The following NLGN4X variants were observed in gnomAD, a reference collection of about 807,000 sequenced individuals.
The protein encoded by NLGN4X is neuroligin 4 X-linked, also known as neuroligin-4, X-linked.
A neutral mutation model predicts 40.3 loss-of-function variants in NLGN4X; 3 were observed. The observed-to-expected ratio is 0.07, with a 90% confidence interval of 0.03 to 0.19. The LOEUF is 0.19. NLGN4X is among the 10% of genes least tolerant of loss of function. The pLI, the probability that NLGN4X is intolerant of heterozygous loss-of-function variation, is 1.00. For synonymous variants in NLGN4X, 270 were observed against 306.8 expected (o/e 0.88, Z 1.25); for missense variants, 382 against 708.3 (o/e 0.54, Z 5.23).
At chrX:5,986,463 T>C (rs2035532340) in intron 3 of NLGN4X, among the ~76,000 whole-genome samples, 1 of 111,894 alleles carries the variant, frequency 8.9e-6, no homozygotes, top group African/African-American at 3.3e-5. Flanking sequence ...TTAAGCTTTT[T>C]TCAGATAAAA....
At chrX:6,067,915 A>T (rs2037963660) in intron 2 of NLGN4X, among the ~76,000 whole-genome samples, 1 of 111,339 alleles carries the variant, frequency 9.0e-6, no homozygotes, top group Non-Finnish European at 1.9e-5. Flanking sequence ...GAAACATAAA[A>T]CAGAAATTGT....
chrX:6,121,859 G>A (rs962816252), intron 2 of NLGN4X, among the ~76,000 whole-genome samples: 3 of 112,641 alleles, frequency 2.7e-5, no homozygotes, highest in African/African-American at 9.7e-5. Flanking sequence ...ATTGCTCTTC[G>A]CTCCTCACTG....
chrX:5,936,469 T>C (rs1190121341), intron 3 of NLGN4X, among the ~76,000 whole-genome samples: 1 of 112,376 alleles, frequency 8.9e-6, no homozygotes, highest in African/African-American at 3.2e-5. Flanking sequence ...TTTATTAAAA[T>C]GGTTTTTAAA....
At chrX:6,082,945 TGC>T (rs72248481) in intron 2 of NLGN4X, among the ~76,000 whole-genome samples, 14,216 of 93,363 alleles carry the variant, frequency 0.15, 1,441 homozygotes, top group Non-Finnish European at 0.21. Flanking sequence ...TTTGCCATGA[TGC>T]GTTTTTTTCT....
chrX:6,046,936 C>A (rs1327449561), intron 2 of NLGN4X, among the ~76,000 whole-genome samples: 1 of 106,429 alleles, frequency 9.4e-6, no homozygotes, highest in African/African-American at 3.4e-5. Context: ...ATAATGTATC[C>A]ATAATATACA....
intron 1 of NLGN4X, among the ~76,000 whole-genome samples, chrX:6,160,407 T>C (rs1205952193): frequency 1.8e-5 from 2 of 112,033 alleles, no homozygotes; most frequent in East Asian, 2.8e-4. Flanking sequence ...TTACTGACTT[T>C]TTCCCAGAAT....
intron 3 of NLGN4X, among the ~76,000 whole-genome samples, chrX:5,997,625 TATATATAC>T (rs2035864835): frequency 8.5e-5 from 3 of 35,224 alleles, no homozygotes; most frequent in Non-Finnish European, 1.4e-4. Flanking sequence ...CATATATATA[TATATATAC>T]ACACGTATAT....
chrX:5,921,888 C>G, intron 3 of NLGN4X, among the ~76,000 whole-genome samples: 1 of 111,217 alleles, frequency 9.0e-6, no homozygotes, highest in East Asian at 2.8e-4. Flanking sequence ...GCTGCCGTGA[C>G]ACATAATGGG....
At chrX:5,924,664 C>T (rs1038577087) in intron 3 of NLGN4X, among the ~76,000 whole-genome samples, 6 of 112,082 alleles carry the variant, frequency 5.4e-5, no homozygotes, top group Non-Finnish European at 1.1e-4. Context: ...TGATGGAATG[C>T]TACTCAGCCA....
intron 3 of NLGN4X, among the ~76,000 whole-genome samples, chrX:5,988,749 AT>A (rs1238418898): frequency 8.9e-6 from 1 of 112,386 alleles, no homozygotes; most frequent in East Asian, 2.8e-4. Context: ...ATGCATTTTG[AT>A]TTTCTTTTCA....
chrX:6,072,722 C>T (rs1478955554), intron 2 of NLGN4X, among the ~76,000 whole-genome samples: 6 of 111,490 alleles, frequency 5.4e-5, no homozygotes, highest in African/African-American at 2.0e-4. Flanking sequence ...CCATTCAGTG[C>T]CGCCATAGCC....
At chrX:5,955,227 C>G (rs1317476311) in intron 3 of NLGN4X, among the ~76,000 whole-genome samples, 1 of 111,070 alleles carries the variant, frequency 9.0e-6, no homozygotes, top group Non-Finnish European at 1.9e-5. Flanking sequence ...ATGAGAGAGC[C>G]CTTTATTTCT....
At chrX:6,111,365 C>T (rs747957309) in intron 2 of NLGN4X, among the ~76,000 whole-genome samples, 45 of 111,134 alleles carry the variant, frequency 4.0e-4, no homozygotes, top group African/African-American at 1.3e-3. Context: ...AAGAAGATGC[C>T]ATTTGGGGGA....
Position 5,989,011 on chromosome X carries a change from T to C in NLGN4X, c.625+40269A>G, listed in dbSNP as rs767860212. Among the ~76,000 whole-genome samples the C allele has an allele frequency of 6.2e-4, 68 of 108,835 alleles. 1 individual carries two copies. Among genetic ancestry groups the C allele is most frequent in the African/African-American group, 2.3e-3 (68 of 29,639 alleles). 94.5% of individuals were successfully genotyped at this position (108,835 alleles called of 115,157 possible). A position where few individuals can be genotyped will look rare whatever the true frequency, so the allele number is the denominator to read the frequency against. On this transcript the variant is annotated intron_variant, in intron 3 of 5. Transcript: ENST00000381095. Reference sequence around the variant, plus strand: ...TGAACCTGTGAGGTGGAGGTTATAGTGAGCCGTGATCATGCCACTGCACTC... The same window carrying C: ...TGAACCTGTGAGGTGGAGGTTATAGCGAGCCGTGATCATGCCACTGCACTC...
Position 6,160,532 on chromosome X carries a change from TA to T in NLGN4X, c.-305-8762del, listed in dbSNP as rs1355726274. ...CATATATGAAATTATATCTATAAAA[TA>T]ATTTTTTTTTTTTTTGAGACAGAGT... On this transcript the variant is annotated intron_variant, in intron 1 of 5. Coordinates refer to ENST00000381095, the MANE Select transcript of NLGN4X (RefSeq NM_181332.3). Among the ~76,000 whole-genome samples the T allele has an allele frequency of 3.8e-3, 343 of 91,299 alleles. 1 individual carries two copies. Among genetic ancestry groups the T allele is most frequent in the African/African-American group, 0.014 (318 of 22,360 alleles). The allele number at this position is 91,299 out of a possible 115,157, so 79.3% of individuals were successfully genotyped here.
intron 3 of NLGN4X, among the ~76,000 whole-genome samples, chrX:5,994,882 C>G (rs5961914): frequency 0.31 from 34,051 of 111,493 alleles, 4,570 homozygotes; most frequent in Middle Eastern, 0.58. Context: ...AACTTGACTA[C>G]CTTAATCCTA....
intron 1 of NLGN4X, among the ~76,000 whole-genome samples, chrX:6,170,095 C>G (rs1313195703): frequency 9.1e-6 from 1 of 109,497 alleles, no homozygotes; most frequent in Non-Finnish European, 1.9e-5. Context: ...CAGCCTTGAC[C>G]TCCAGGGCTC....
chrX:5,906,103 GT>G lies in NLGN4X; in HGVS notation c.812-2238del, dbSNP rs780742686. Among the ~76,000 whole-genome samples, 6 of 112,160 alleles carry G rather than the reference GT, an allele frequency of 5.3e-5. No individual in the cohort carries two copies. In the South Asian group the frequency reaches 1.1e-3, roughly 21 times the overall value. ...CCTCCAATTAATGTGGCTTACATGT[GT>G]TTGATTACTCCTGAAGTTGGTTCTG... is the stretch of plus-strand genomic sequence containing the variant. On this transcript the variant is annotated intron_variant, in intron 4 of 5. Coordinates refer to ENST00000381095, the MANE Select transcript of NLGN4X (RefSeq NM_181332.3).
chrX:5,903,181 G>A lies in NLGN4X; in HGVS notation c.1497C>T (p.Ile499=). 8.3e-7 allele frequency: 1 copy of A among 1,212,058 alleles called. No individual in the cohort carries two copies. The highest frequency in any genetic ancestry group is 1.1e-6 in the Non-Finnish European group (1 of 895,610). The stretch of plus-strand genomic sequence containing the variant: ...AGAGCTCGGTGGGACCGATCATGGG[G>A]ATGCCGAAGACATAGGGGACCTCAT... The part of the protein sequence containing the change: ...HGDEVPYVFG[I]PMIGPTELFS... The change falls in exon 5 of 6, where the codon ATC becomes ATT. Residue 499 remains isoleucine, a synonymous_variant. Coordinates refer to ENST00000381095, the MANE Select transcript of NLGN4X (RefSeq NM_181332.3).
Sources: allele counts gnomAD v4.1 joint callset (sites outside exome capture counted in the v4.1 genomes callset), GRCh38; gene constraint gnomAD v4.1.1; transcripts MANE v1.5; gene names NCBI Gene and HGNC (gene_info 2026-07-23, HGNC 2026-07-21).